The following WDR25 variants were observed in gnomAD, a reference collection of about 807,000 sequenced individuals.
WDR25 encodes WD repeat domain 25.
Under a neutral mutation model 47.7 loss-of-function variants are expected in WDR25, and 35 were observed. That is an observed-to-expected ratio of 0.73 (90% CI 0.56 to 0.97). WDR25 has a LOEUF of 0.97. WDR25 is among the 50% of genes least tolerant of loss of function. The pLI is 0.00. For missense variants in WDR25, 634 were observed against 704.7 expected, an observed-to-expected ratio of 0.90 and a Z score of 1.14; for synonymous variants, 248 against 278.9, an observed-to-expected ratio of 0.89 and a Z score of 1.10.
At chr14:100,459,508 C>T (rs1193043372) in intron 2 of WDR25, among the ~76,000 whole-genome samples, 1 of 152,068 alleles carries the variant, frequency 6.6e-6, no homozygotes, top group East Asian at 1.9e-4. Context: ...ATTTTGAAAT[C>T]TTAACCCCCA....
chr14:100,448,193 CA>C (rs111428141), intron 2 of WDR25, among the ~76,000 whole-genome samples: 1,902 of 110,220 alleles, frequency 0.017, 34 homozygotes, highest in African/African-American at 0.063. Flanking sequence ...AACTCCGTCT[CA>C]AAAAAAAAAA....
At chr14:100,447,271 G>T (rs559173047) in intron 2 of WDR25, among the ~76,000 whole-genome samples, 1 of 152,198 alleles carries the variant, frequency 6.6e-6, no homozygotes, top group Non-Finnish European at 1.5e-5. Flanking sequence ...GAAGTGATTA[G>T]ACTTGGGGAT....
At position 100,443,761 on chromosome 14, in the gene WDR25, T is replaced by C. The variant is rs546335402; in HGVS notation, c.823-24260T>C. On this transcript the variant is annotated intron_variant, in intron 2 of 6. Transcript: ENST00000402312. ...ACAGTTTAATTTGTTCTTTCATTAA[T>C]TGGGAGCGCTCCGGGCTGATGTGAA... Among the ~76,000 whole-genome samples the C allele has an allele frequency of 9.8e-5, 15 of 152,286 alleles. No individual in the cohort carries two copies. In the South Asian group the frequency reaches 1.9e-3, roughly 19 times the overall value.
Position 100,381,419 on chromosome 14 carries a change from GA to G in WDR25, c.497del (p.Lys166ArgfsTer16). The G allele has an allele frequency of 6.2e-7, 1 of 1,614,174 alleles. No individual in the cohort carries two copies. The highest frequency in any genetic ancestry group is 1.1e-5 in the South Asian group (1 of 91,088). On this transcript the variant is annotated frameshift_variant, in exon 2 of 7. Transcript: ENST00000402312. LOFTEE classifies it high-confidence loss of function. ...TVGKNGSSFQ[K>X]KKCEDCVVPY... ...TAGGTAAAAATGGCAGCTCTTTTCA[GA>G]AGAAAAAATGTGAGGACTGTGTGGT...
At chr14:100,510,582 A>T (rs557433345) in intron 4 of WDR25, among the ~76,000 whole-genome samples, 1 of 151,754 alleles carries the variant, frequency 6.6e-6, no homozygotes, top group East Asian at 2.0e-4. Flanking sequence ...CTAAAAATAC[A>T]AAAATTAGCT....
At position 100,392,544 on chromosome 14, in the gene WDR25, A is replaced by G. The variant is rs1258259766; in HGVS notation, c.822+10798A>G. Reference sequence around the variant, plus strand: ...AACTCGACCATACACTGAAATTATCATTATCCTTTGAACACCCTCCCATCC... The same window carrying G: ...AACTCGACCATACACTGAAATTATCGTTATCCTTTGAACACCCTCCCATCC... On this transcript the variant is annotated intron_variant, in intron 2 of 6. Transcript: ENST00000402312. This position sits in a 1 kb window ranked among gnomAD's most constrained non-coding sequence, Gnocchi z 4.2. Among the ~76,000 whole-genome samples the G allele has an allele frequency of 6.6e-6, 1 of 151,880 alleles. No individual in the cohort carries two copies. Among genetic ancestry groups the G allele is most frequent in the African/African-American group, 2.4e-5 (1 of 41,298 alleles).
intron 2 of WDR25, among the ~76,000 whole-genome samples, chr14:100,408,146 G>A (rs763763906): frequency 2.0e-5 from 3 of 152,098 alleles, no homozygotes; most frequent in East Asian, 1.9e-4. Flanking sequence ...GCCATGGAAC[G>A]TGCGTGAAGC....
chr14:100,401,196 G>A (rs1019914385), intron 2 of WDR25, among the ~76,000 whole-genome samples: 2 of 152,194 alleles, frequency 1.3e-5, no homozygotes, highest in East Asian at 1.9e-4. Context: ...TTCCTGGGGC[G>A]GGAGAGACCT....
rs752208417 is a variant in WDR25, at chr14:100,428,894, G to A, written c.823-39127G>A. 6.6e-6 allele frequency among the ~76,000 whole-genome samples: 1 copy of A among 151,742 alleles called. No homozygotes were observed. Among genetic ancestry groups the A allele is most frequent in the African/African-American group, 2.4e-5 (1 of 41,282 alleles). The stretch of plus-strand genomic sequence containing the variant: ...GCAATATCACTCAAGCTCCTCTTGC[G>A]TCTTTGGCACCAGAGGCGTCATCCC... On this transcript the variant is annotated intron_variant, in intron 2 of 6. Transcript: ENST00000402312. The surrounding 1 kb of genome is among the most constrained non-coding windows in gnomAD (Gnocchi z 4.3).
At chr14:100,505,081 T>C (rs1168322289) in intron 4 of WDR25, among the ~76,000 whole-genome samples, 2 of 152,204 alleles carry the variant, frequency 1.3e-5, no homozygotes, top group Non-Finnish European at 2.9e-5. Context: ...TATTGAGTTC[T>C]AAGAGTCTTT....
At chr14:100,470,490 TG>T (rs774092021) in intron 3 of WDR25, among the ~76,000 whole-genome samples, 1 of 87,220 alleles carries the variant, frequency 1.1e-5, no homozygotes, top group Non-Finnish European at 2.2e-5. Flanking sequence ...TGCAATTGTA[TG>T]TGTGGGTGGG....
At chr14:100,436,946 C>G (rs1295409605) in intron 2 of WDR25, among the ~76,000 whole-genome samples, 1 of 152,184 alleles carries the variant, frequency 6.6e-6, no homozygotes, top group African/African-American at 2.4e-5. Flanking sequence ...TCTGTTCTGC[C>G]TTTTTGTTTT....
chr14:100,491,081 G>C (rs1480624701), intron 4 of WDR25, among the ~76,000 whole-genome samples: 1 of 152,144 alleles, frequency 6.6e-6, no homozygotes, highest in Admixed American at 6.5e-5. Flanking sequence ...TGATGATCTC[G>C]AGAGCCCCTT....
In WDR25 at chr14:100,498,383, A is replaced by G. The variant is rs1216089353; in HGVS notation, c.1101+14259A>G. ...GTGGATAGCTCTCTTTCCCCTCTGC[A>G]TGCCCCTTTTCCACCAAACAGATTT... On this transcript the variant is annotated intron_variant, in intron 4 of 6. Transcript: ENST00000402312. This position sits in a 1 kb window ranked among gnomAD's most constrained non-coding sequence, Gnocchi z 4.2. Among the ~76,000 whole-genome samples the G allele has an allele frequency of 6.6e-6, 1 of 152,186 alleles. No homozygotes were observed.
At chr14:100,431,032 A>G (rs1898317776) in intron 2 of WDR25, among the ~76,000 whole-genome samples, 1 of 152,200 alleles carries the variant, frequency 6.6e-6, no homozygotes. Flanking sequence ...CATTAACCAC[A>G]CTTACAGATT....
chr14:100,512,743 GT>G (rs1901350089), intron 4 of WDR25, among the ~76,000 whole-genome samples: 1 of 151,872 alleles, frequency 6.6e-6, no homozygotes, highest in Non-Finnish European at 1.5e-5. Flanking sequence ...TTTTCTCTAG[GT>G]ATTTCAGCTG....
chr14:100,480,468 G>GA lies in WDR25; in HGVS notation c.971-3518dup, dbSNP rs565889145. Among the ~76,000 whole-genome samples the GA allele has an allele frequency of 4.3e-4, 66 of 152,018 alleles. 1 individual carries two copies. The East Asian group carries it at 9.3e-3, about 21-fold the overall frequency. On this transcript the variant is annotated intron_variant, in intron 3 of 6. Coordinates refer to ENST00000402312, the MANE Select transcript of WDR25 (RefSeq NM_001161476.3). ...AGTTTTAGGCCCCTAGAAGATACTA[G>GA]AAAAAAAAGATCAACACACTTTATT...
intron 1 of WDR25, chr14:100,376,763 T>A: frequency 8.1e-7 from 1 of 1,229,078 alleles, no homozygotes; most frequent in East Asian, 3.2e-5. Flanking sequence ...CTGTGTTTTG[T>A]GTTTGATTTC....
chr14:100,402,617 A>G (rs1897413801), intron 2 of WDR25, among the ~76,000 whole-genome samples: 1 of 152,184 alleles, frequency 6.6e-6, no homozygotes, highest in Non-Finnish European at 1.5e-5. Context: ...CTTGGCAAAC[A>G]TAGAGGCTCA....
Sources: gnomAD v4.1 joint callset for allele counts (sites outside exome capture counted in the v4.1 genomes callset) on GRCh38, gnomAD v4.1.1 for gene constraint, Gnocchi (gnomAD v3.1) non-coding constraint, MANE v1.5 for transcripts, NCBI Gene and HGNC (gene_info 2026-07-23, HGNC 2026-07-21) for gene names.